Variants in HDAC7 observed in about 807,000 individuals in gnomAD.
HDAC7 encodes histone deacetylase 7.
In HDAC7, 26 loss-of-function variants were observed where a neutral mutation model predicts 115.5. That is an observed-to-expected ratio of 0.23 (90% CI 0.16 to 0.31). HDAC7 has a LOEUF of 0.31. HDAC7 is among the 10% of genes least tolerant of loss of function. HDAC7 has a pLI of 1.00. For missense variants in HDAC7, 1,068 were observed against 1,329.0 expected (o/e 0.80, Z 3.05); for synonymous variants, 564 against 550.9 (o/e 1.02, Z -0.33).
At chr12:47,792,850 TAAGTA>T (rs1434371260) in intron 13 of HDAC7, 2 of 370,198 alleles carry the variant, frequency 5.4e-6, no homozygotes, top group Non-Finnish European at 1.1e-5. Flanking sequence ...ATATGTTAAC[TAAGTA>T]AAGCAGGATA....
At chr12:47,815,333 A>G (rs1289237116) in intron 1 of HDAC7, among the ~76,000 whole-genome samples, 1 of 152,240 alleles carries the variant, frequency 6.6e-6, no homozygotes, top group African/African-American at 2.4e-5. Flanking sequence ...ACATGCACAC[A>G]CACACACAGG....
chr12:47,794,584 T>C (rs1321894654), intron 12 of HDAC7, among the ~76,000 whole-genome samples, 176 bp downstream of exon 12: 1 of 152,168 alleles, frequency 6.6e-6, no homozygotes, highest in African/African-American at 2.4e-5. Flanking sequence ...TGAGTGTGCA[T>C]GTGTGTGTGT....
Position 47,793,415 on chromosome 12 carries a change from G to A in HDAC7, c.1632C>T (p.Val544=), listed in dbSNP as rs1306168129. 1.3e-6 allele frequency: 2 copies of A among 1,561,948 alleles called. No individual in the cohort carries two copies. The highest frequency in any genetic ancestry group is 1.2e-5 in the South Asian group (1 of 85,058). ...TGGCAGGGGTCTCTGAGCTGGAGAGGACTCGGGCCTGGCTGGCAGGCTCTG... is the reference window on the plus strand; with the variant it reads ...TGGCAGGGGTCTCTGAGCTGGAGAGAACTCGGGCCTGGCTGGCAGGCTCTG... ...SAPEPASQAR[V]LSSSETPART... Residue 544 remains valine, a synonymous_variant, in exon 13 of 26, where the codon GTC becomes GTT. Transcript: ENST00000080059. The surrounding 1 kb of genome is among the most constrained non-coding windows in gnomAD (Gnocchi z 4.5).
intron 1 of HDAC7, among the ~76,000 whole-genome samples, chr12:47,805,510 G>T (rs758361909): frequency 1.6e-4 from 25 of 152,192 alleles, no homozygotes; most frequent in Non-Finnish European, 3.4e-4. Flanking sequence ...TGCTGTCTCT[G>T]GTTCTCCTTC....
At chr12:47,789,413 G>A in intron 18 of HDAC7, 65 bp from the exon 19 acceptor site, 1 of 1,577,204 alleles carries the variant, frequency 6.3e-7, no homozygotes. Context: ...CCAGGCCCCT[G>A]GGTTGGCCCA....
Position 47,793,950 on chromosome 12 carries a change from G to A in HDAC7, c.1459-362C>T, listed in dbSNP as rs906728564. On this transcript the variant is annotated intron_variant, in intron 12 of 25. Coordinates refer to ENST00000080059, the MANE Select transcript of HDAC7 (RefSeq NM_015401.5). The surrounding 1 kb of genome is among the most constrained non-coding windows in gnomAD (Gnocchi z 4.5). ...GTGGCCTGTCATCATGTGTTATGGA[G>A]TAAATTATGTTCCCCACCCTCAAAT... Among the ~76,000 whole-genome samples the A allele has an allele frequency of 7.2e-5, 11 of 152,184 alleles. No homozygotes were observed. Among genetic ancestry groups the A allele is most frequent in the Non-Finnish European group, 1.2e-4 (8 of 68,038 alleles).
In HDAC7 at chr12:47,785,838, C is replaced by T. The variant is rs1413886084; in HGVS notation, c.2620G>A (p.Val874Met). Residue 874 changes from valine to methionine, a missense_variant, in exon 23 of 26, where the codon GTG becomes ATG. Physicochemically the swap from Val to Met is conservative, Grantham distance 21. Coordinates refer to ENST00000080059, the MANE Select transcript of HDAC7 (RefSeq NM_015401.5). ...TGGCCACCCTCCAAGGCCAGCACCA[C>T]TGCGCCTCCTGCCAGGTTCATCAGT... ...QQLMNLAGGA[V>M]VLALEGGHDL... 1 of 1,611,226 alleles carries T rather than the reference C, an allele frequency of 6.2e-7. No individual in the cohort carries two copies. The highest frequency in any genetic ancestry group is 1.1e-5 in the South Asian group (1 of 90,600).
intron 16 of HDAC7, 183 bp downstream of exon 16, chr12:47,791,076 C>G (rs1355116333): frequency 1.6e-6 from 1 of 640,846 alleles, no homozygotes; most frequent in Non-Finnish European, 2.8e-6. Flanking sequence ...GACTGTGGGT[C>G]CGAGACACGC....
In HDAC7 at chr12:47,795,881, G is replaced by C; in HGVS notation, c.906+25C>G. ...GAAAGAAGCTGGGGGGGCTTGGAGT[G>C]GGGGTGGGCACCCCAGCCACTCACC... is the stretch of plus-strand genomic sequence containing the variant. On this transcript the variant is annotated intron_variant, in intron 9 of 25. Coordinates refer to ENST00000080059, the MANE Select transcript of HDAC7 (RefSeq NM_015401.5). The surrounding 1 kb of genome is among the most constrained non-coding windows in gnomAD (Gnocchi z 4.3). 6.5e-7 allele frequency: 1 copy of C among 1,528,804 alleles called. No homozygotes were observed. The highest frequency in any genetic ancestry group is 8.8e-7 in the Non-Finnish European group (1 of 1,131,062). 94.7% of individuals were successfully genotyped at this position (1,528,804 alleles called of 1,614,324 possible). A position where few individuals can be genotyped will look rare whatever the true frequency, so the allele number is the denominator to read the frequency against.
rs1943751287 is a variant in HDAC7, at chr12:47,795,277, T to C, written c.1191A>G (p.Ser397=). The change falls in exon 11 of 26, where the codon TCA becomes TCG. Residue 397 remains serine, a synonymous_variant. Transcript: ENST00000080059. The surrounding 1 kb of genome is among the most constrained non-coding windows in gnomAD (Gnocchi z 4.3). ...CGGTGGCACTGGGGGGCAGGGGCTC[T>C]GAGCGAGTCCGGCTCAGTGGCCAGT... ...GLHWPLSRTR[S]EPLPPSATAP... 1.1e-5 allele frequency: 17 copies of C among 1,612,256 alleles called. No individual in the cohort carries two copies. The highest frequency in any genetic ancestry group is 1.7e-5 in the Admixed American group (1 of 59,938).
chr12:47,795,790 C>A lies in HDAC7; in HGVS notation c.907-23G>T. The A allele has an allele frequency of 6.6e-7, 1 of 1,517,488 alleles. No individual in the cohort carries two copies. Among genetic ancestry groups the A allele is most frequent in the African/African-American group, 1.4e-5 (1 of 71,996 alleles). The allele number at this position is 1,517,488 out of a possible 1,614,324, so 94.0% of individuals were successfully genotyped here. On this transcript the variant is annotated intron_variant, in intron 9 of 25. Coordinates refer to ENST00000080059, the MANE Select transcript of HDAC7 (RefSeq NM_015401.5). The surrounding 1 kb of genome is among the most constrained non-coding windows in gnomAD (Gnocchi z 4.3). ...AGCCTGGGGGAGAGGCGGGAGAAGT[C>A]ACGGGGAAGAAGATTCCAGCAGAGA...
intron 13 of HDAC7, chr12:47,792,475 C>T (rs770861150): frequency 1.5e-5 from 5 of 342,960 alleles, no homozygotes; most frequent in East Asian, 7.6e-5. Context: ...AAGAAGCCCA[C>T]GATGACACTG....
rs747549273 is a variant in HDAC7 at position 47,788,162 on chromosome 12, G to A, written c.2238C>T (p.Asp746=). The change falls in exon 20 of 26, where the codon GAC becomes GAT. Residue 746 remains aspartate, a splice_region_variant and synonymous_variant. Coordinates refer to ENST00000080059, the MANE Select transcript of HDAC7 (RefSeq NM_015401.5). ...GCTGGGTGCCGTTGCCATGGTGCAC[G>A]TCCTGTGTAGGGAGACGGGCAGCGA... ...KASKILIVDW[D]VHHGNGTQQT... The A allele has an allele frequency of 1.8e-5, 29 of 1,607,558 alleles. No homozygotes were observed. The highest frequency in any genetic ancestry group is 1.6e-4 in the South Asian group (14 of 90,236).
chr12:47,787,940 G>A, intron 20 of HDAC7, 105 bp downstream of exon 20: 5 of 1,564,844 alleles, frequency 3.2e-6, no homozygotes, highest in Non-Finnish European at 4.4e-6. Flanking sequence ...GATCAGAGAG[G>A]CTCAGCAGTC....
chr12:47,791,501 G>A (rs1943510009), intron 15 of HDAC7, 85 bp downstream of exon 15: 1 of 1,513,316 alleles, frequency 6.6e-7, no homozygotes, highest in South Asian at 1.3e-5. Flanking sequence ...GAGGAGGCTG[G>A]CTGGGCGGGC....
In HDAC7 at chr12:47,796,243, G is replaced by C. The variant is rs1430353881; in HGVS notation, c.759C>G (p.Asp253Glu). 1.6e-5 allele frequency: 26 copies of C among 1,603,496 alleles called. No individual in the cohort carries two copies. The highest frequency in any genetic ancestry group is 2.1e-5 in the Non-Finnish European group (25 of 1,177,332). The stretch of plus-strand genomic sequence containing the variant: ...GGATGGGATTGGGGCCGTGCTCGCT[G>C]TCATTGGGGGAGCTGCACCCTGATG... ...TPASGCSSPNDSEHGPNPILG... is the reference protein window; with the variant it reads ...TPASGCSSPNESEHGPNPILG... The change falls in exon 8 of 26, where the codon GAC (aspartate) becomes GAG (glutamate). Residue 253 changes from aspartate (D) to glutamate (E), a missense_variant. Asp to Glu is a conservative substitution (Grantham distance 45). Coordinates refer to ENST00000080059, the MANE Select transcript of HDAC7 (RefSeq NM_015401.5).
At chr12:47,791,808 A>ACCCCCCCCCCC in intron 14 of HDAC7, 63 bp downstream of exon 14, 1 of 510,924 alleles carries the variant, frequency 2.0e-6, no homozygotes, top group Non-Finnish European at 2.6e-6. Context: ...AGGGCCCCCC[A>ACCCCCCCCCCC]CCCCTCCCCT....
intron 2 of HDAC7, 67 bp from the exon 3 acceptor site, chr12:47,799,039 T>TC: frequency 1.7e-6 from 2 of 1,148,422 alleles, no homozygotes; most frequent in East Asian, 2.8e-5. Context: ...TACAGCCTGA[T>TC]CCCCCCTCAG....
At chr12:47,788,242 G>A in intron 19 of HDAC7, 78 bp from the exon 20 acceptor site, 1 of 1,501,018 alleles carries the variant, frequency 6.7e-7, no homozygotes, top group Non-Finnish European at 8.9e-7. Flanking sequence ...TTCAAGGTCA[G>A]TGGCCATTCT....
Sources: allele counts gnomAD v4.1 joint callset (sites outside exome capture counted in the v4.1 genomes callset), GRCh38; gene constraint gnomAD v4.1.1; non-coding constraint Gnocchi (gnomAD v3.1); transcripts MANE v1.5; gene names NCBI Gene and HGNC (gene_info 2026-07-23, HGNC 2026-07-21).